Variants in SYN3 observed in about 807,000 individuals in gnomAD.
The protein encoded by SYN3 is synapsin-3.
In SYN3, 35 loss-of-function variants were observed where a neutral mutation model predicts 65.8. The observed-to-expected ratio is 0.53, with a 90% CI of 0.41 to 0.70. SYN3 has a LOEUF of 0.70. Ranked by LOEUF, SYN3 falls within the 30% of genes least tolerant of loss-of-function variation. SYN3 has a pLI of 0.00. For synonymous variants in SYN3, 270 were observed against 292.9 expected (o/e 0.92, Z 0.80); for missense variants, 680 against 749.0 (o/e 0.91, Z 1.08).
At chr22:32,628,050 G>A (rs369285893) in intron 6 of SYN3, among the ~76,000 whole-genome samples, 5 of 151,984 alleles carry the variant, frequency 3.3e-5, no homozygotes, top group South Asian at 2.1e-4. Context: ...GGATGGTCTC[G>A]ATCTCCTGAC....
At chr22:32,867,495 T>C (rs1460373231) in intron 5 of SYN3, among the ~76,000 whole-genome samples, 1 of 152,186 alleles carries the variant, frequency 6.6e-6, no homozygotes, top group African/African-American at 2.4e-5. Context: ...CACAAATGAA[T>C]GGATAAATTT....
chr22:32,953,848 A>T (rs1876535523), intron 3 of SYN3, among the ~76,000 whole-genome samples: 1 of 152,196 alleles, frequency 6.6e-6, no homozygotes, highest in South Asian at 2.1e-4. Flanking sequence ...CTTCTTCATC[A>T]ACATCATCAC....
chr22:32,981,829 T>A (rs1192958879), intron 2 of SYN3, among the ~76,000 whole-genome samples: 2 of 152,172 alleles, frequency 1.3e-5, no homozygotes, highest in East Asian at 3.8e-4. Flanking sequence ...ATCCATATTT[T>A]TCTTAAATTC....
At chr22:32,597,957 T>C (rs1259163873) in intron 6 of SYN3, among the ~76,000 whole-genome samples, 1 of 152,218 alleles carries the variant, frequency 6.6e-6, no homozygotes, top group African/African-American at 2.4e-5. Flanking sequence ...TGAGCTTTGC[T>C]TTCCCCCTTT....
chr22:32,643,065 A>G (rs1244032558), intron 6 of SYN3, among the ~76,000 whole-genome samples: 1 of 151,856 alleles, frequency 6.6e-6, no homozygotes, highest in Non-Finnish European at 1.5e-5. Flanking sequence ...TGAGGAAGTT[A>G]TTTGTTTGTT....
intron 6 of SYN3, among the ~76,000 whole-genome samples, chr22:32,667,756 G>A (rs2740991): frequency 0.22 from 33,766 of 151,756 alleles, 5,913 homozygotes; most frequent in East Asian, 0.66. Context: ...GAAGAGGATC[G>A]GGGAAGGCTT....
At chr22:32,997,753 G>A (rs133929) in intron 2 of SYN3, among the ~76,000 whole-genome samples, 62,559 of 151,890 alleles carry the variant, frequency 0.41, 13,229 homozygotes, top group African/African-American at 0.49. Context: ...CCGGCCGGGC[G>A]CGGTGGCTCA....
intron 6 of SYN3, among the ~76,000 whole-genome samples, chr22:32,660,673 G>C (rs2060204955): frequency 6.6e-6 from 1 of 152,162 alleles, no homozygotes. Flanking sequence ...GTCTGCATTT[G>C]GTGATAAATT....
chr22:32,621,333 G>T (rs1354979645), intron 6 of SYN3, among the ~76,000 whole-genome samples: 1 of 148,952 alleles, frequency 6.7e-6, no homozygotes, highest in African/African-American at 2.5e-5. Context: ...GGGCCTCGCT[G>T]ACCTGTGACT....
chr22:32,556,741 G>A (rs534147261), intron 7 of SYN3, among the ~76,000 whole-genome samples: 1 of 151,302 alleles, frequency 6.6e-6, no homozygotes, highest in South Asian at 2.1e-4. Context: ...GGGCTGGGGG[G>A]AGGAGGTATA....
At chr22:32,889,417 GGA>G (rs1491199228) in intron 4 of SYN3, among the ~76,000 whole-genome samples, 1 of 24,056 alleles carries the variant, frequency 4.2e-5, no homozygotes, top group Non-Finnish European at 7.6e-5. Flanking sequence ...TCCTCCACAA[GGA>G]AAAAAAAAAA....
rs1307596104 is a variant in SYN3 at position 32,931,418 on chromosome 22, C to G, written c.433G>C (p.Val145Leu). The G allele has an allele frequency of 6.2e-7, 1 of 1,613,532 alleles. No individual in the cohort carries two copies. The highest frequency in any genetic ancestry group is 8.5e-7 in the Non-Finnish European group (1 of 1,179,480). The change falls in exon 4 of 14, where the codon GTC becomes CTC. Residue 145 changes from valine (V) to leucine (L), a missense_variant. Transcript: ENST00000358763. ...VTGGCMVDMQ[V>L]VRNGTKVVSR... is the part of the protein sequence containing the mutation. The stretch of plus-strand genomic sequence containing the variant: ...ACCACTTTGGTCCCATTTCTCACGA[C>G]CTGCATGTCCACCATGCAGCCCCCG...
rs2057691596 is a variant in SYN3 at position 32,511,556 on chromosome 22, G to A, written c.*2136C>T. ...GCTCCAGACATGCCAGACATGCAGG[G>A]ACTGTCCTATAACATGGAACTCAGC... On this transcript the variant is annotated 3_prime_UTR_variant, in exon 14 of 14. Coordinates refer to ENST00000358763, the MANE Select transcript of SYN3 (RefSeq NM_003490.4). Among the ~76,000 whole-genome samples, 1 of 152,174 alleles carries A rather than the reference G, an allele frequency of 6.6e-6. No individual in the cohort carries two copies.
At chr22:32,612,195 T>C (rs1411300221) in intron 6 of SYN3, among the ~76,000 whole-genome samples, 1 of 152,222 alleles carries the variant, frequency 6.6e-6, no homozygotes, top group African/African-American at 2.4e-5. Flanking sequence ...ATAAGTAAAG[T>C]GTCTCCTGAA....
At chr22:32,834,036 G>C (rs2047657384) in intron 6 of SYN3, among the ~76,000 whole-genome samples, 1 of 152,062 alleles carries the variant, frequency 6.6e-6, no homozygotes, top group Admixed American at 6.6e-5. Flanking sequence ...TACTCTCATT[G>C]CTTATCCTCC....
At chr22:32,710,547 T>C (rs11089590) in intron 6 of SYN3, among the ~76,000 whole-genome samples, 83,103 of 150,268 alleles carry the variant, frequency 0.55, 23,981 homozygotes, top group African/African-American at 0.72. Context: ...GCGGGAGAAC[T>C]GCTTGAGCCT....
chr22:32,560,610 G>A (rs941464247), intron 7 of SYN3, among the ~76,000 whole-genome samples: 6 of 152,178 alleles, frequency 3.9e-5, no homozygotes, highest in Non-Finnish European at 5.9e-5. Context: ...TGGATGCAGC[G>A]GAGTGGAGGG....
intron 3 of SYN3, among the ~76,000 whole-genome samples, chr22:32,950,561 G>GGGAGCTTCTTCTGATTCCCA (rs371089300): frequency 0.021 from 3,158 of 152,066 alleles, 111 homozygotes; most frequent in African/African-American, 0.072. Context: ...TCTAATTCCC[G>GGGAGCTTCTTCTGATTCCCA]GGAGCTTCTT....
chr22:32,809,525 A>T (rs1414211763), intron 6 of SYN3, among the ~76,000 whole-genome samples: 1 of 151,896 alleles, frequency 6.6e-6, no homozygotes, highest in Non-Finnish European at 1.5e-5. Flanking sequence ...ACTTTTCAAC[A>T]CTATGGAATT....
Sources: gnomAD v4.1 joint callset for allele counts (sites outside exome capture counted in the v4.1 genomes callset) on GRCh38, gnomAD v4.1.1 for gene constraint, MANE v1.5 for transcripts, NCBI Gene and HGNC (gene_info 2026-07-23, HGNC 2026-07-21) for gene names.